Variants in RFK observed in about 807,000 individuals in gnomAD.
RFK encodes 0610038L10Rik.
In RFK, 4 loss-of-function variants were observed where a neutral mutation model predicts 17.6. That is an observed-to-expected ratio of 0.23 (90% CI 0.11 to 0.52). RFK has a LOEUF of 0.52. Among genes scored for constraint, RFK ranks in the 20% least tolerant of loss-of-function variants. The pLI is 0.96. For missense variants in RFK, 189 were observed against 187.7 expected (o/e 1.01, Z -0.04); for synonymous variants, 59 against 63.8 (o/e 0.92, Z 0.36).
rs927949192 is a variant in RFK, at chr9:76,393,918, C to T, written c.82+172G>A. On this transcript the variant is annotated intron_variant, in intron 1 of 3. Transcript: ENST00000376736. ...GGAGCCAGAAGCAGGGACAAGCTCC[C>T]TCAACCGAGCCAACGGTCCTCCGCC... 6 of 636,908 alleles carry T rather than the reference C, an allele frequency of 9.4e-6. No individual in the cohort carries two copies. In the Admixed American group the frequency reaches 1.6e-4, roughly 17 times the overall value. The allele number at this position is 636,908 out of a possible 1,614,324, so 39.5% of individuals were successfully genotyped here.
chr9:76,393,635 AGAAG>A, intron 1 of RFK: 4 of 165,438 alleles, frequency 2.4e-5, no homozygotes, highest in South Asian at 1.7e-4. Context: ...AGACAGACCA[AGAAG>A]GTTAGCTGAC....
chr9:76,385,798 CTA>C lies in RFK; in HGVS notation c.*1599_*1600del, dbSNP rs748488131. ...ACAAACACAAATATTTTCACATTTCCTATGTTTGTTTTTAACTTTACTTCATA... is the reference window on the plus strand; with the variant it reads ...ACAAACACAAATATTTTCACATTTCCTGTTTGTTTTTAACTTTACTTCATA... On this transcript the variant is annotated 3_prime_UTR_variant, in exon 4 of 4. Coordinates refer to ENST00000376736, the MANE Select transcript of RFK (RefSeq NM_018339.6). The C allele has an allele frequency of 3.3e-5, 5 of 152,144 alleles. No homozygotes were observed. Among genetic ancestry groups the C allele is most frequent in the Admixed American group, 6.6e-5 (1 of 15,266 alleles). 9.4% of individuals were successfully genotyped at this position (152,144 alleles called of 1,614,324 possible). A position where few individuals can be genotyped will look rare whatever the true frequency, so the allele number is the denominator to read the frequency against.
intron 2 of RFK, among the ~76,000 whole-genome samples, chr9:76,391,488 T>C (rs1264424852): frequency 6.6e-6 from 1 of 152,242 alleles, no homozygotes; most frequent in Non-Finnish European, 1.5e-5. Flanking sequence ...ACCATCCATG[T>C]AGTAAACTGT....
rs1822859719 is a variant in RFK, at chr9:76,394,165, G to A, written c.7C>T (p.His3Tyr). 2 of 1,603,872 alleles carry A rather than the reference G, an allele frequency of 1.2e-6. No homozygotes were observed. The highest frequency in any genetic ancestry group is 1.7e-4 in the Middle Eastern group (1 of 6,026). Residue 3 changes from histidine to tyrosine, a missense_variant, in exon 1 of 4, where the codon CAC becomes TAC. By Grantham distance (83) the His-to-Tyr change is moderately conservative (BLOSUM62 2). Transcript: ENST00000376736. Reference sequence around the variant, plus strand: ...TGACCCCGGCAGAAGTAAGGCAGGTGCCTCATAATGCAGTCCGCTCGGGGA... The same window carrying A: ...TGACCCCGGCAGAAGTAAGGCAGGTACCTCATAATGCAGTCCGCTCGGGGA... MR[H>Y]LPYFCRGQVV... is the part of the protein sequence containing the mutation.
rs1216661455 is a variant in RFK at position 76,385,935 on chromosome 9, A to G, written c.*1464T>C. 1 of 151,724 alleles carries G rather than the reference A, an allele frequency of 6.6e-6. No homozygotes were observed. The highest frequency in any genetic ancestry group is 1.9e-4 in the East Asian group (1 of 5,204). The allele number at this position is 151,724 out of a possible 1,614,324, so 9.4% of individuals were successfully genotyped here. A position where few individuals can be genotyped will look rare whatever the true frequency, so the allele number is the denominator to read the frequency against. On this transcript the variant is annotated 3_prime_UTR_variant, in exon 4 of 4. Coordinates refer to ENST00000376736, the MANE Select transcript of RFK (RefSeq NM_018339.6). The stretch of plus-strand genomic sequence containing the variant: ...AAAGCAAAACGCAATCCAACTATTT[A>G]TATGAGTCCCTCTTCTCCAACAGCT...
intron 1 of RFK, 77 bp from the exon 2 acceptor site, chr9:76,392,646 T>C (rs1205505876): frequency 2.1e-6 from 3 of 1,432,852 alleles, no homozygotes; most frequent in Non-Finnish European, 2.9e-6. Flanking sequence ...GTGGCTCATG[T>C]CTGTAATTCT....
chr9:76,388,537 T>C lies in RFK; in HGVS notation c.337+17A>G. Reference sequence around the variant, plus strand: ...GTAGCAGTAGTAGTATTTAAGAAGATCAAAATAAGAACTTACCTAAAGAAT... The same window carrying C: ...GTAGCAGTAGTAGTATTTAAGAAGACCAAAATAAGAACTTACCTAAAGAAT... On this transcript the variant is annotated intron_variant, in intron 3 of 3. Transcript: ENST00000376736. The C allele has an allele frequency of 3.3e-6, 5 of 1,494,524 alleles. No individual in the cohort carries two copies. The highest frequency in any genetic ancestry group is 4.7e-6 in the Non-Finnish European group (5 of 1,073,196). 92.6% of individuals were successfully genotyped at this position (1,494,524 alleles called of 1,614,324 possible). A position where few individuals can be genotyped will look rare whatever the true frequency, so the allele number is the denominator to read the frequency against.
Position 76,393,585 on chromosome 9 carries a change from G to C in RFK, c.82+505C>G, listed in dbSNP as rs553581908. ...ACGCAGCTCTGGCATGTATTTCTAA[G>C]GATGAATTACAGTCAGGTCTCGATT... is the stretch of plus-strand genomic sequence containing the variant. On this transcript the variant is annotated intron_variant, in intron 1 of 3. Coordinates refer to ENST00000376736, the MANE Select transcript of RFK (RefSeq NM_018339.6). 5 of 153,312 alleles carry C rather than the reference G, an allele frequency of 3.3e-5. No individual in the cohort carries two copies. In the East Asian group the frequency reaches 9.6e-4, roughly 29 times the overall value. The allele number at this position is 153,312 out of a possible 1,614,324, so 9.5% of individuals were successfully genotyped here.
intron 2 of RFK, 133 bp from the exon 3 acceptor site, chr9:76,388,789 T>G (rs2131553553): frequency 1.8e-6 from 1 of 566,088 alleles, no homozygotes; most frequent in East Asian, 3.1e-5. Flanking sequence ...AGATTCAGGT[T>G]AAAATCTAAG....
chr9:76,391,147 T>TTAATA (rs1392995676), intron 2 of RFK, among the ~76,000 whole-genome samples: 1 of 152,236 alleles, frequency 6.6e-6, no homozygotes, highest in Non-Finnish European at 1.5e-5. Context: ...TTTCAAATCA[T>TTAATA]TAATACTGAA....
intron 2 of RFK, among the ~76,000 whole-genome samples, chr9:76,389,827 C>T (rs933258605): frequency 6.6e-6 from 1 of 152,106 alleles, no homozygotes; most frequent in African/African-American, 2.4e-5. Flanking sequence ...CTGACAATTA[C>T]AAGACATTAT....
At position 76,386,155 on chromosome 9, in the gene RFK, G is replaced by A. The variant is rs951241111; in HGVS notation, c.*1244C>T. On this transcript the variant is annotated 3_prime_UTR_variant, in exon 4 of 4. Transcript: ENST00000376736. ...ACTGTAGCAATGTACTGTTTGAGGG[G>A]GCCCAAAGCATCTGTAATCTTAATT... 7.9e-5 allele frequency: 12 copies of A among 151,998 alleles called. No individual in the cohort carries two copies. Among genetic ancestry groups the A allele is most frequent in the African/African-American group, 2.9e-4 (12 of 41,394 alleles). The allele number at this position is 151,998 out of a possible 1,614,324, so 9.4% of individuals were successfully genotyped here. A position where few individuals can be genotyped will look rare whatever the true frequency, so the allele number is the denominator to read the frequency against.
intron 2 of RFK, among the ~76,000 whole-genome samples, chr9:76,390,535 A>T (rs1822805328): frequency 6.6e-6 from 1 of 152,074 alleles, no homozygotes; most frequent in African/African-American, 2.4e-5. Context: ...ATGGTGGCAC[A>T]TGCCTGTGGT....
At position 76,394,232 on chromosome 9, in the gene RFK, C is replaced by T. The variant is rs1342070913; in HGVS notation, c.-61G>A. 7.3e-6 allele frequency: 11 copies of T among 1,509,458 alleles called. No individual in the cohort carries two copies. The highest frequency in any genetic ancestry group is 8.9e-6 in the Non-Finnish European group (10 of 1,120,256). The allele number at this position is 1,509,458 out of a possible 1,614,324, so 93.5% of individuals were successfully genotyped here. ...TCTGCGCGTCCTGCGGAGCCGCCGTCGACGCGGCGCCCAGACCCCGGACCA... is the reference window on the plus strand; with the variant it reads ...TCTGCGCGTCCTGCGGAGCCGCCGTTGACGCGGCGCCCAGACCCCGGACCA... On this transcript the variant is annotated 5_prime_UTR_variant, in exon 1 of 4. Transcript: ENST00000376736.
At position 76,387,498 on chromosome 9, in the gene RFK, A is replaced by G. The variant is rs1195230740; in HGVS notation, c.369T>C (p.Ile123=). 1.2e-6 allele frequency: 2 copies of G among 1,611,540 alleles called. No individual in the cohort carries two copies. Among genetic ancestry groups the G allele is most frequent in the African/African-American group, 1.3e-5 (1 of 74,916 alleles). The change falls in exon 4 of 4, where the codon ATT becomes ATC. Residue 123 remains isoleucine (I), a synonymous_variant. Transcript: ENST00000376736. The part of the protein sequence containing the change: ...ESLISAIQGD[I]EEAKKRLELP... ...ACTCTAGTCGTTTCTTAGCTTCTTC[A>G]ATATCACCTTGAATTGCTGAAATAA...
chr9:76,392,369 T>C (rs756233856), intron 2 of RFK, 49 bp downstream of exon 2: 15 of 1,585,842 alleles, frequency 9.5e-6, no homozygotes, highest in Admixed American at 6.7e-5. Flanking sequence ...AATATATTAT[T>C]CTAAGTCATC....
chr9:76,390,666 A>G (rs1414987565), intron 2 of RFK, among the ~76,000 whole-genome samples: 1 of 151,394 alleles, frequency 6.6e-6, no homozygotes, highest in Non-Finnish European at 1.5e-5. Context: ...CCTATCTGAA[A>G]ATACAAAACA....
rs1479150288 is a variant in RFK, at chr9:76,394,349, C to T, written c.-178G>A. On this transcript the variant is annotated 5_prime_UTR_variant, in exon 1 of 4. Transcript: ENST00000376736. ...ACAGGCCACTGCGAATCCCTGACGC[C>T]GCCGACCCAACAAATACCGCCGGGC... 3.7e-6 allele frequency: 2 copies of T among 540,400 alleles called. No individual in the cohort carries two copies. The highest frequency in any genetic ancestry group is 2.0e-5 in the African/African-American group (1 of 49,376). 33.5% of individuals were successfully genotyped at this position (540,400 alleles called of 1,614,324 possible). A position where few individuals can be genotyped will look rare whatever the true frequency, so the allele number is the denominator to read the frequency against.
rs757800464 is a variant in RFK, at chr9:76,392,492, C to T, written c.160G>A (p.Gly54Arg). The part of the protein sequence containing the change: ...TGIYYGWASV[G>R]SGDVHKMVVS... ...ACCATCTTATGGACATCTCCACTTC[C>T]AACACTGGCCCAACCATAGTAAATA... Residue 54 changes from glycine (G) to arginine (R), a missense_variant, in exon 2 of 4, where the codon GGA becomes AGA. Physicochemically the swap from Gly to Arg is moderately radical, Grantham distance 125 (BLOSUM62 -2). This residue lies in a region of RFK where 90 missense variants were observed against 75.4 expected (regional missense o/e 1.19). Coordinates refer to ENST00000376736, the MANE Select transcript of RFK (RefSeq NM_018339.6). 8 of 1,614,014 alleles carry T rather than the reference C, an allele frequency of 5.0e-6. No individual in the cohort carries two copies. Among genetic ancestry groups the T allele is most frequent in the Non-Finnish European group, 6.8e-6 (8 of 1,179,988 alleles).
Sources: gnomAD v4.1 joint callset for allele counts (sites outside exome capture counted in the v4.1 genomes callset) on GRCh38, gnomAD v4.1.1 for gene constraint, gnomAD v4.1.1 regional missense constraint, MANE v1.5 for transcripts, NCBI Gene and HGNC (gene_info 2026-07-23, HGNC 2026-07-21) for gene names.